The following MID1 variants were observed in gnomAD, a reference collection of about 807,000 sequenced individuals.
The protein encoded by MID1 is midline 1, also known as E3 ubiquitin-protein ligase Midline-1.
A neutral mutation model predicts 40.4 loss-of-function variants in MID1; 7 were observed. That is an observed-to-expected ratio of 0.17 (90% confidence interval 0.10 to 0.33). MID1 has a LOEUF of 0.33. Ranked by LOEUF, MID1 falls within the 10% of genes least tolerant of loss-of-function variation. The pLI is 1.00. For synonymous variants in MID1, 229 were observed against 221.2 expected, an observed-to-expected ratio of 1.04 and a Z score of -0.31; for missense variants, 367 against 558.5, an observed-to-expected ratio of 0.66 and a Z score of 3.46.
chrX:10,820,362 T>C (rs1346840877), intron 1 of MID1, among the ~76,000 whole-genome samples: 2 of 112,204 alleles, frequency 1.8e-5, no homozygotes, highest in Non-Finnish European at 3.8e-5. Flanking sequence ...TTTGACCTAA[T>C]GTGTTAATGT....
At chrX:10,637,535 C>A (rs1356595316) in intron 1 of MID1, among the ~76,000 whole-genome samples, 1 of 107,572 alleles carries the variant, frequency 9.3e-6, no homozygotes, top group Non-Finnish European at 1.9e-5. Flanking sequence ...TGAGGCAGGA[C>A]AATCGCTTGA....
intron 1 of MID1, among the ~76,000 whole-genome samples, chrX:10,828,440 C>T (rs991098896): frequency 9.0e-5 from 10 of 111,541 alleles, no homozygotes; most frequent in African/African-American, 2.6e-4. Context: ...CAGCTCCTCC[C>T]GCCATTGCTG....
At chrX:10,658,570 G>A (rs1299547603) in intron 1 of MID1, among the ~76,000 whole-genome samples, 3 of 107,126 alleles carry the variant, frequency 2.8e-5, no homozygotes, top group Non-Finnish European at 5.7e-5. Flanking sequence ...CTAAATATTA[G>A]AGGCACTCCA....
chrX:10,832,406 ACTTTT>A (rs2044258477), intron 1 of MID1, among the ~76,000 whole-genome samples: 1 of 112,535 alleles, frequency 8.9e-6, no homozygotes, highest in African/African-American at 3.2e-5. Flanking sequence ...TGCACTGATT[ACTTTT>A]CTTTAAATTA....
intron 2 of MID1, among the ~76,000 whole-genome samples, chrX:10,566,506 TCTCTCCCTCTCTCTCCCTCTCTCTCC>T (rs1934541947): frequency 2.3e-5 from 1 of 43,075 alleles, no homozygotes; most frequent in African/African-American, 6.7e-5. Context: ...ATTCTCTCTC[TCTCTCCCTCTCTCTCCCTCTCTCTCC>T]CTCTCTCTCT....
intron 1 of MID1, among the ~76,000 whole-genome samples, chrX:10,813,016 C>T (rs916049189): frequency 4.5e-5 from 5 of 111,196 alleles, no homozygotes; most frequent in African/African-American, 1.6e-4. Flanking sequence ...CATCAATCTG[C>T]AGGTTTTTCC....
At chrX:10,793,193 G>A (rs182930846) in intron 1 of MID1, among the ~76,000 whole-genome samples, 57 of 112,710 alleles carry the variant, frequency 5.1e-4, no homozygotes, top group African/African-American at 1.8e-3. Context: ...CACCTGATCT[G>A]CTTATATGAG....
At chrX:10,745,022 C>T (rs959321835) in intron 1 of MID1, among the ~76,000 whole-genome samples, 12 of 112,354 alleles carry the variant, frequency 1.1e-4, no homozygotes, top group Non-Finnish European at 2.1e-4. Flanking sequence ...CATTTCCTAT[C>T]AGTGGATAAA....
intron 1 of MID1, among the ~76,000 whole-genome samples, chrX:10,572,104 ACTCTCT>A (rs59928523): frequency 0.012 from 829 of 70,397 alleles, 7 homozygotes; most frequent in African/African-American, 0.033. Flanking sequence ...CTTTCTTTTC[ACTCTCT>A]CTCTCTCTCT....
At chrX:10,583,602 CTTTA>C (rs1935067616) in intron 1 of MID1, among the ~76,000 whole-genome samples, 1 of 112,428 alleles carries the variant, frequency 8.9e-6, no homozygotes, top group East Asian at 2.8e-4. Flanking sequence ...GTAGTGACAT[CTTTA>C]TTTATTTTAG....
chrX:10,694,251 T>C (rs574273148), intron 1 of MID1, among the ~76,000 whole-genome samples: 32 of 112,167 alleles, frequency 2.9e-4, no homozygotes, highest in African/African-American at 8.7e-4. Context: ...TCACAAACTT[T>C]CTTCTCTCCT....
intron 3 of MID1, among the ~76,000 whole-genome samples, chrX:10,509,044 GT>G (rs1174072841): frequency 9.0e-6 from 1 of 111,545 alleles, no homozygotes; most frequent in Non-Finnish European, 1.9e-5. Flanking sequence ...CTTTCCTGGA[GT>G]TTTCTTCTGA....
chrX:10,574,295 A>G (rs1204840072), intron 1 of MID1, among the ~76,000 whole-genome samples: 2 of 111,375 alleles, frequency 1.8e-5, no homozygotes, highest in African/African-American at 6.5e-5. Context: ...TTGAAGATGG[A>G]GGAAGGGGCC....
rs1033112822 is a variant in MID1 at position 10,523,127 on chromosome X, A to G, written c.721T>C (p.Leu241=). 9 of 1,204,609 alleles carry G rather than the reference A, an allele frequency of 7.5e-6. No homozygotes were observed. Among genetic ancestry groups the G allele is most frequent in the Non-Finnish European group, 1.0e-5 (9 of 892,359 alleles). The change falls in exon 3 of 10, where the codon TTG becomes CTG. Residue 241 remains leucine, a synonymous_variant. Coordinates refer to ENST00000317552, the MANE Select transcript of MID1 (RefSeq NM_000381.4). ...IKRNTELETL[L]AKLIQTCQHV... is the part of the protein sequence containing the mutation. ...TGACAGGTTTGGATGAGTTTAGCCA[A>G]AAGGGTCTCCAGTTCTGTGTTCCTC...
intron 1 of MID1, among the ~76,000 whole-genome samples, chrX:10,822,715 G>A (rs1203850625): frequency 8.9e-6 from 1 of 111,739 alleles, no homozygotes; most frequent in Non-Finnish European, 1.9e-5. Flanking sequence ...ACAAACATAT[G>A]AAAAAAAGCT....
intron 1 of MID1, among the ~76,000 whole-genome samples, chrX:10,826,578 T>C (rs752240352): frequency 2.2e-4 from 25 of 112,354 alleles, no homozygotes; most frequent in Non-Finnish European, 2.4e-4. Context: ...TTCCTACCCC[T>C]GAAAACACAC....
chrX:10,575,039 C>G (rs1412759136), intron 1 of MID1, among the ~76,000 whole-genome samples: 1 of 112,664 alleles, frequency 8.9e-6, no homozygotes, highest in Admixed American at 9.4e-5. Flanking sequence ...GGTTTCAGAA[C>G]AGGAAGCTCC....
chrX:10,826,809 T>G (rs769994565), intron 1 of MID1, among the ~76,000 whole-genome samples: 96 of 112,754 alleles, frequency 8.5e-4, no homozygotes, highest in Non-Finnish European at 1.2e-3. Context: ...TTTACTTGAA[T>G]GCAGGTTCCA....
At chrX:10,729,649 A>G (rs1334949943) in intron 1 of MID1, among the ~76,000 whole-genome samples, 1 of 112,272 alleles carries the variant, frequency 8.9e-6, no homozygotes, top group African/African-American at 3.2e-5. Flanking sequence ...TCATTTTAAA[A>G]TGCTAATTTC....
Sources: gnomAD v4.1 joint callset for allele counts (sites outside exome capture counted in the v4.1 genomes callset) on GRCh38, gnomAD v4.1.1 for gene constraint, MANE v1.5 for transcripts, NCBI Gene and HGNC (gene_info 2026-07-23, HGNC 2026-07-21) for gene names.